Variants in STIL observed in about 807,000 individuals in gnomAD.
The protein encoded by STIL is STIL centriolar assembly protein, also known as SCL-interrupting locus protein.
In STIL, 55 loss-of-function variants were observed where a neutral mutation model predicts 110.1. The ratio of observed to expected loss-of-function variants is 0.50; its 90% CI spans 0.40 to 0.63. The LOEUF is 0.63. Among genes scored for constraint, STIL ranks in the 20% least tolerant of loss-of-function variants. The pLI is 0.00. For synonymous variants in STIL, 481 were observed against 530.0 expected (o/e 0.91, Z 1.27); for missense variants, 1,358 against 1,530.0 (o/e 0.89, Z 1.87).
intron 16 of STIL, among the ~76,000 whole-genome samples, chr1:47,252,235 GGC>G (rs1157234850): frequency 6.6e-6 from 1 of 151,958 alleles, no homozygotes; most frequent in Non-Finnish European, 1.5e-5. Flanking sequence ...TTTAAAAATT[GGC>G]CAGGCATGGT....
At chr1:47,291,499 C>A (rs1645488971) in intron 8 of STIL, among the ~76,000 whole-genome samples, 1 of 152,042 alleles carries the variant, frequency 6.6e-6, no homozygotes. Context: ...TTATTTTTCT[C>A]CACAGTACTC....
intron 2 of STIL, among the ~76,000 whole-genome samples, chr1:47,307,928 A>C (rs559397964): frequency 6.6e-6 from 1 of 152,292 alleles, no homozygotes; most frequent in African/African-American, 2.4e-5. Flanking sequence ...CCAGTCTCCC[A>C]TAGCGCTCCC....
intron 12 of STIL, among the ~76,000 whole-genome samples, chr1:47,272,610 TG>T (rs1237215481): frequency 6.6e-6 from 1 of 151,974 alleles, no homozygotes; most frequent in East Asian, 1.9e-4. Flanking sequence ...CCACCATGCC[TG>T]GTTAATTTTC....
At position 47,265,638 on chromosome 1, in the gene STIL, G is replaced by A. The variant is rs754420041; in HGVS notation, c.2616-2522C>T. 7.2e-5 allele frequency among the ~76,000 whole-genome samples: 11 copies of A among 151,886 alleles called. No individual in the cohort carries two copies. In the East Asian group the frequency reaches 7.8e-4, roughly 11 times the overall value. On this transcript the variant is annotated intron_variant, in intron 14 of 16. Transcript: ENST00000371877. ...TCTACTAAAAATACAAAACTTAGCC[G>A]GGCATAGTGGCAAGTGCCTGTAATC...
intron 16 of STIL, among the ~76,000 whole-genome samples, chr1:47,255,309 T>A (rs886600706): frequency 6.6e-6 from 1 of 152,200 alleles, no homozygotes; most frequent in African/African-American, 2.4e-5. Flanking sequence ...TGAATAAATT[T>A]GAGTTAGCCA....
Position 47,251,003 on chromosome 1 carries a change from C to G in STIL, c.*133G>C. 1 of 814,652 alleles carries G rather than the reference C, an allele frequency of 1.2e-6. No individual in the cohort carries two copies. Among genetic ancestry groups the G allele is most frequent in the Non-Finnish European group, 1.9e-6 (1 of 528,506 alleles). 50.5% of individuals were successfully genotyped at this position (814,652 alleles called of 1,614,324 possible). On this transcript the variant is annotated 3_prime_UTR_variant, in exon 17 of 17. Coordinates refer to ENST00000371877, the MANE Select transcript of STIL (RefSeq NM_001048166.1). ...CCAGCCAGCCATCTCACAGAAGTCA[C>G]TCTTCCCAATTGGCTGCTACCAAGA...
chr1:47,301,188 CTGCCTCAGCTTCCCGAAG>C (rs1337440896), intron 5 of STIL, among the ~76,000 whole-genome samples: 2 of 152,142 alleles, frequency 1.3e-5, no homozygotes. Context: ...AGCAATCCAC[CTGCCTCAGCTTCCCGAAG>C]TGTTGGGATT....
chr1:47,287,892 A>G (rs1478592104), intron 9 of STIL, among the ~76,000 whole-genome samples: 2 of 152,142 alleles, frequency 1.3e-5, no homozygotes, highest in East Asian at 3.9e-4. Flanking sequence ...ATACCATCTA[A>G]AGAATAAAAT....
chr1:47,279,633 G>T (rs1221637730), intron 12 of STIL, among the ~76,000 whole-genome samples: 1 of 150,666 alleles, frequency 6.6e-6, no homozygotes, highest in Non-Finnish European at 1.5e-5. Context: ...CAGGGCTGAG[G>T]CAGGAAGATC....
intron 12 of STIL, among the ~76,000 whole-genome samples, chr1:47,276,923 G>A (rs1645011865): frequency 6.6e-6 from 1 of 150,720 alleles, no homozygotes; most frequent in Admixed American, 6.6e-5. Flanking sequence ...ATACTAAATT[G>A]GTATAATCTG....
In STIL at chr1:47,301,704, G is replaced by C; in HGVS notation, c.310C>G (p.Arg104Gly). The change falls in exon 5 of 17, where the codon CGA (arginine) becomes GGA (glycine). Residue 104 changes from arginine to glycine, a missense_variant. Transcript: ENST00000371877. ...TLTVDRFDPG[R>G]EVPECLEITP... ...ATTTCTAGGCATTCAGGTACTTCTC[G>C]ACCAGGATCAAAGCGATCTACTGTC... 1 of 1,613,914 alleles carries C rather than the reference G, an allele frequency of 6.2e-7. No homozygotes were observed. Among genetic ancestry groups the C allele is most frequent in the Non-Finnish European group, 8.5e-7 (1 of 1,179,992 alleles).
At chr1:47,284,991 C>CT (rs888127739) in intron 10 of STIL, among the ~76,000 whole-genome samples, 2 of 149,986 alleles carry the variant, frequency 1.3e-5, no homozygotes, top group Admixed American at 1.3e-4. Context: ...GGTGTCCAGC[C>CT]TACCAGCCTA....
chr1:47,283,806 G>A (rs1484228693), intron 10 of STIL: 1 of 151,722 alleles, frequency 6.6e-6, no homozygotes, highest in Non-Finnish European at 1.5e-5. Flanking sequence ...CCTGAGTTGT[G>A]GCATGGAATT....
chr1:47,314,182 C>T (rs1406044179), upstream of STIL: 1 of 152,268 alleles, frequency 6.6e-6, no homozygotes, highest in Non-Finnish European at 1.5e-5. Flanking sequence ...AACTGAAGGC[C>T]GCGCCACGCC....
chr1:47,284,725 A>G (rs1348255213), intron 10 of STIL, among the ~76,000 whole-genome samples: 2 of 152,058 alleles, frequency 1.3e-5, no homozygotes, highest in Non-Finnish European at 2.9e-5. Flanking sequence ...CCCCATCTCT[A>G]CTAAAAATAC....
chr1:47,282,581 G>A, intron 10 of STIL, 122 bp from the exon 11 acceptor site: 1 of 670,560 alleles, frequency 1.5e-6, no homozygotes, highest in South Asian at 1.6e-5. Context: ...TTTAGTATCT[G>A]ACAACCACAA....
chr1:47,254,469 A>T (rs1644273622), intron 16 of STIL, among the ~76,000 whole-genome samples: 2 of 152,142 alleles, frequency 1.3e-5, no homozygotes, highest in South Asian at 4.1e-4. Context: ...ATTTGATAAA[A>T]GCAAAGAAAA....
At chr1:47,265,158 C>A (rs145890465) in intron 14 of STIL, among the ~76,000 whole-genome samples, 2 of 133,114 alleles carry the variant, frequency 1.5e-5, no homozygotes, top group African/African-American at 2.7e-5. Flanking sequence ...ATCTCCGGAA[C>A]CCAGGAGGTG....
intron 10 of STIL, among the ~76,000 whole-genome samples, chr1:47,286,999 A>C (rs1645320869): frequency 6.6e-6 from 1 of 152,124 alleles, no homozygotes; most frequent in Admixed American, 6.5e-5. Flanking sequence ...CTGGGATTAT[A>C]GGCGTGAGCC....
Sources: allele counts gnomAD v4.1 joint callset (sites outside exome capture counted in the v4.1 genomes callset), GRCh38; gene constraint gnomAD v4.1.1; transcripts MANE v1.5; gene names NCBI Gene and HGNC (gene_info 2026-07-23, HGNC 2026-07-21).